GABRA3: variants seen among roughly 807,000 people sequenced by gnomAD.
GABRA3 encodes the protein gamma-aminobutyric acid type A receptor subunit alpha3.
In GABRA3, 10 loss-of-function variants were observed where a neutral mutation model predicts 30.1. The ratio of observed to expected loss-of-function variants is 0.33; its 90% CI spans 0.20 to 0.56. The LOEUF (loss-of-function observed/expected upper bound fraction) is 0.56. Among genes scored for constraint, GABRA3 ranks in the 20% least tolerant of loss-of-function variants. The pLI, the probability that GABRA3 is intolerant of heterozygous loss-of-function variation, is 0.89. For synonymous variants in GABRA3, 151 were observed against 146.8 expected, an observed-to-expected ratio of 1.03 and a Z score of -0.21; for missense variants, 233 against 392.0, an observed-to-expected ratio of 0.59 and a Z score of 3.42.
chrX:152,311,828 C>T (rs1334332899), intron 3 of GABRA3, among the ~76,000 whole-genome samples: 1 of 98,289 alleles, frequency 1.0e-5, no homozygotes, highest in Non-Finnish European at 2.0e-5. Flanking sequence ...CCACAGACTC[C>T]TAGAGCTGAT....
intron 4 of GABRA3, among the ~76,000 whole-genome samples, chrX:152,278,475 T>C (rs1326832742): frequency 8.9e-6 from 1 of 111,904 alleles, no homozygotes; most frequent in Non-Finnish European, 1.9e-5. Context: ...TTCCATGCTG[T>C]ATATGTGCCA....
chrX:152,299,281 T>G (rs1038261271), intron 3 of GABRA3, among the ~76,000 whole-genome samples: 7 of 111,907 alleles, frequency 6.3e-5, no homozygotes, highest in African/African-American at 2.3e-4. Context: ...AAGGGAAGAC[T>G]GGAAGCAGGG....
At chrX:152,397,998 C>T (rs758427869) in intron 1 of GABRA3, among the ~76,000 whole-genome samples, 102 of 111,863 alleles carry the variant, frequency 9.1e-4, no homozygotes, top group African/African-American at 3.1e-3. Context: ...TTAGGAATGG[C>T]CCAGGGCCAT....
chrX:152,217,406 C>T lies in GABRA3; in HGVS notation c.634+7357G>A, dbSNP rs545767933. Among the ~76,000 whole-genome samples the T allele has an allele frequency of 4.7e-4, 52 of 111,504 alleles. No individual in the cohort carries two copies. In the Middle Eastern group the frequency reaches 0.033, roughly 70 times the overall value. On this transcript the variant is annotated intron_variant, in intron 6 of 9. Transcript: ENST00000370314. ...AAGAAATACTTGTCTATAAGAAATACTTGCCTATAGTTGTATTTTTTAGTT... is the reference window on the plus strand; with the variant it reads ...AAGAAATACTTGTCTATAAGAAATATTTGCCTATAGTTGTATTTTTTAGTT...
chrX:152,235,477 T>A (rs186469902), intron 5 of GABRA3, among the ~76,000 whole-genome samples: 9 of 111,227 alleles, frequency 8.1e-5, no homozygotes, highest in Admixed American at 3.9e-4. Context: ...ATTACATATA[T>A]TGAAAATCCT....
chrX:152,434,445 C>A (rs1277780238), intron 1 of GABRA3, among the ~76,000 whole-genome samples: 1 of 110,675 alleles, frequency 9.0e-6, no homozygotes, highest in Non-Finnish European at 1.9e-5. Context: ...TAATAAACTC[C>A]CCCTCTGACT....
chrX:152,254,359 CAT>C (rs1938604120), intron 5 of GABRA3, among the ~76,000 whole-genome samples: 1 of 110,004 alleles, frequency 9.1e-6, no homozygotes, highest in Non-Finnish European at 1.9e-5. Flanking sequence ...TATTTTACAC[CAT>C]CTTATCCTTT....
chrX:152,263,826 A>G (rs746261671), intron 4 of GABRA3, among the ~76,000 whole-genome samples: 1 of 111,912 alleles, frequency 8.9e-6, no homozygotes, highest in Admixed American at 9.5e-5. Context: ...AATAATTATA[A>G]AAGCAGCTAG....
intron 4 of GABRA3, among the ~76,000 whole-genome samples, chrX:152,282,997 AAG>A (rs777913378): frequency 3.6e-5 from 4 of 111,666 alleles, no homozygotes; most frequent in African/African-American, 1.3e-4. Context: ...ACAATAGAAA[AAG>A]AGCTACATAC....
chrX:152,226,575 T>C (rs1937959331), intron 5 of GABRA3, among the ~76,000 whole-genome samples: 2 of 111,335 alleles, frequency 1.8e-5, no homozygotes, highest in African/African-American at 6.5e-5. Flanking sequence ...CTAAAGAAAC[T>C]ACCATCAGAG....
At chrX:152,325,808 G>C (rs143990619) in intron 3 of GABRA3, among the ~76,000 whole-genome samples, 1 of 111,675 alleles carries the variant, frequency 9.0e-6, no homozygotes, top group East Asian at 2.8e-4. Flanking sequence ...CCAAAGGAAC[G>C]CAGCTCCTCA....
At chrX:152,319,138 A>C (rs1005709920) in intron 3 of GABRA3, among the ~76,000 whole-genome samples, 1 of 112,054 alleles carries the variant, frequency 8.9e-6, no homozygotes, top group Non-Finnish European at 1.9e-5. Context: ...ATATTGTGAA[A>C]ATGACCATAT....
In GABRA3 at chrX:152,442,102, A is replaced by C. The variant is rs181725606; in HGVS notation, c.-27+9044T>G. Among the ~76,000 whole-genome samples the C allele has an allele frequency of 1.6e-4, 18 of 111,655 alleles. No individual in the cohort carries two copies. The Admixed American group carries it at 1.7e-3, about 11-fold the overall frequency. On this transcript the variant is annotated intron_variant, in intron 1 of 9. Coordinates refer to ENST00000370314, the MANE Select transcript of GABRA3 (RefSeq NM_000808.4). ...AAATAATTAGTATCCAGAATATATA[A>C]ATAAGTCTTATGAATCAGTAAGAAG...
At chrX:152,225,426 A>ACACG (rs757649730) in intron 5 of GABRA3, among the ~76,000 whole-genome samples, 1 of 14,594 alleles carries the variant, frequency 6.9e-5, no homozygotes, top group East Asian at 5.6e-3. Flanking sequence ...ACGCACACAC[A>ACACG]CACACGCACA....
chrX:152,368,271 G>A (rs1928711303), intron 1 of GABRA3, among the ~76,000 whole-genome samples: 1 of 110,970 alleles, frequency 9.0e-6, no homozygotes, highest in Non-Finnish European at 1.9e-5. Context: ...TGTATCCTTG[G>A]GCCAACATCT....
At chrX:152,358,616 T>C (rs1280683605) in intron 2 of GABRA3, among the ~76,000 whole-genome samples, 1 of 111,493 alleles carries the variant, frequency 9.0e-6, no homozygotes, top group African/African-American at 3.3e-5. Context: ...CCATGTCTTG[T>C]TCTGCCTTTC....
At chrX:152,297,369 C>T (rs969968345) in intron 3 of GABRA3, among the ~76,000 whole-genome samples, 1 of 112,224 alleles carries the variant, frequency 8.9e-6, no homozygotes, top group Non-Finnish European at 1.9e-5. Context: ...ATTCCACTTT[C>T]TTCATCTTTA....
At chrX:152,219,937 A>C (rs1238929123) in intron 6 of GABRA3, among the ~76,000 whole-genome samples, 1 of 111,397 alleles carries the variant, frequency 9.0e-6, no homozygotes, top group East Asian at 2.8e-4. Flanking sequence ...GATTCTGTGT[A>C]GTGCTGTTTA....
At chrX:152,184,372 C>T (rs140528333) in intron 9 of GABRA3, among the ~76,000 whole-genome samples, 85 of 111,300 alleles carry the variant, frequency 7.6e-4, no homozygotes, top group Non-Finnish European at 1.4e-3. Context: ...ATGTAGCTAA[C>T]CTGAGCTTGT....
Sources: gnomAD v4.1 joint callset for allele counts (sites outside exome capture counted in the v4.1 genomes callset) on GRCh38, gnomAD v4.1.1 for gene constraint, MANE v1.5 for transcripts, NCBI Gene and HGNC (gene_info 2026-07-23, HGNC 2026-07-21) for gene names.